The following RBFOX1 variants were observed in gnomAD, a reference collection of about 807,000 sequenced individuals.
The protein encoded by RBFOX1 is RNA binding protein fox-1 homolog 1.
RBFOX1 carries 8 observed loss-of-function variants against 57.7 expected under a neutral mutation model. The ratio of observed to expected loss-of-function variants is 0.14; its 90% CI spans 0.08 to 0.25. The LOEUF (loss-of-function observed/expected upper bound fraction) is 0.25. Ranked by LOEUF, RBFOX1 falls within the 10% of genes least tolerant of loss-of-function variation. The probability of loss-of-function intolerance (pLI) is 1.00; values close to 1 mark genes in which losing one functional copy is unlikely to be tolerated. For synonymous variants in RBFOX1, 326 were observed against 222.4 expected (o/e 1.47, Z -4.15); for missense variants, 611 against 548.5 (o/e 1.11, Z -1.14).
At chr16:7,614,704 C>T (rs146041354) in intron 10 of RBFOX1, 2 of 152,224 alleles carry the variant, frequency 1.3e-5, no homozygotes, top group African/African-American at 4.8e-5. Flanking sequence ...TTTTAAGTTA[C>T]CATTGTCCAC....
In RBFOX1 at chr16:5,396,826, G is replaced by C. The variant is rs368384112; in HGVS notation, c.220-70390G>C. Among the ~76,000 whole-genome samples the C allele has an allele frequency of 3.3e-5, 5 of 152,320 alleles. No homozygotes were observed. In the East Asian group the frequency reaches 5.8e-4, roughly 18 times the overall value. On this transcript the variant is annotated intron_variant, in intron 1 of 2. Coordinates refer to the RBFOX1 transcript ENST00000585867. ...CCAGCAAACTCCAGCAGAGAGAGTA[G>C]ATTGATTTCTTGAACTTCGTTGTCT...
chr16:6,288,236 A>T (rs2077093687), intron 1 of RBFOX1, among the ~76,000 whole-genome samples: 1 of 53,232 alleles, frequency 1.9e-5, no homozygotes, highest in Non-Finnish European at 4.1e-5. Flanking sequence ...GAATGGTGTG[A>T]ACGGTTTTTT....
At chr16:6,003,421 A>G (rs1380868077) in intron 4 of RBFOX1, among the ~76,000 whole-genome samples, 2 of 151,812 alleles carry the variant, frequency 1.3e-5, no homozygotes, top group Non-Finnish European at 2.9e-5. Flanking sequence ...CCTGCTCCAA[A>G]CAGTTTCTCC....
chr16:7,604,882 C>T (rs2095222479), intron 9 of RBFOX1, among the ~76,000 whole-genome samples: 1 of 152,110 alleles, frequency 6.6e-6, no homozygotes, highest in African/African-American at 2.4e-5. Flanking sequence ...ACCTGAGATG[C>T]ACAGTATGGG....
Position 6,920,695 on chromosome 16 carries a change from T to A in RBFOX1, c.-15-131362T>A, listed in dbSNP as rs187747430. Among the ~76,000 whole-genome samples the A allele has an allele frequency of 5.9e-5, 9 of 152,320 alleles. No individual in the cohort carries two copies. In the East Asian group the frequency reaches 1.7e-3, roughly 29 times the overall value. On this transcript the variant is annotated intron_variant, in intron 3 of 15. Transcript: ENST00000550418. Reference sequence around the variant, plus strand: ...AGTTTCTTTTGGTTCCAAGCAATCATTGGCACCCCTTGGCTTGTGGCTGCA... The same window carrying A: ...AGTTTCTTTTGGTTCCAAGCAATCAATGGCACCCCTTGGCTTGTGGCTGCA...
chr16:6,797,815 T>C (rs2084437668), intron 3 of RBFOX1, among the ~76,000 whole-genome samples: 1 of 152,204 alleles, frequency 6.6e-6, no homozygotes, highest in Non-Finnish European at 1.5e-5. Flanking sequence ...CACAACATTA[T>C]GTCTGCAATC....
intron 1 of RBFOX1, among the ~76,000 whole-genome samples, chr16:6,238,160 G>A (rs1022742405): frequency 2.0e-5 from 3 of 151,412 alleles, no homozygotes; most frequent in Non-Finnish European, 4.4e-5. Flanking sequence ...AAATGTCTGT[G>A]AAGTATCTGC....
At chr16:6,798,936 T>A (rs1398310022) in intron 3 of RBFOX1, among the ~76,000 whole-genome samples, 1 of 152,176 alleles carries the variant, frequency 6.6e-6, no homozygotes, top group Non-Finnish European at 1.5e-5. Context: ...ATATCTCAAG[T>A]TTCTCTTCAA....
In RBFOX1 at chr16:5,559,034, C is replaced by T. The variant is rs187661332; in HGVS notation, c.259-39868C>T. The stretch of plus-strand genomic sequence containing the variant: ...ATACCCTGAAACCATAGCAGTTATG[C>T]TCACGTGGGTACAGAGCTGGGCTGG... On this transcript the variant is annotated intron_variant, in intron 2 of 2. Coordinates refer to the RBFOX1 transcript ENST00000585867. Among the ~76,000 whole-genome samples, 13 of 152,164 alleles carry T rather than the reference C, an allele frequency of 8.5e-5. No individual in the cohort carries two copies. The East Asian group carries it at 2.1e-3, about 25-fold the overall frequency.
intron 4 of RBFOX1, among the ~76,000 whole-genome samples, chr16:7,154,620 G>C (rs1014945731): frequency 6.6e-6 from 1 of 151,898 alleles, no homozygotes; most frequent in Admixed American, 6.6e-5. Flanking sequence ...ATAGTGGGCA[G>C]TTGTAAGAAA....
At chr16:6,332,398 A>G (rs779365974) in intron 2 of RBFOX1, among the ~76,000 whole-genome samples, 2 of 152,220 alleles carry the variant, frequency 1.3e-5, no homozygotes, top group Non-Finnish European at 2.9e-5. Context: ...AAATTTCAGA[A>G]CATATGAATG....
intron 2 of RBFOX1, among the ~76,000 whole-genome samples, chr16:6,583,209 C>G (rs2097561797): frequency 6.6e-6 from 1 of 152,136 alleles, no homozygotes; most frequent in South Asian, 2.1e-4. Flanking sequence ...TCTAATGGGT[C>G]CTAGCATAAA....
exon 1 of RBFOX1, chr16:5,240,048 C>G (rs916742929): frequency 2.9e-5 from 44 of 1,531,982 alleles, no homozygotes; most frequent in Non-Finnish European, 3.8e-5. Context: ...ACGGGAAGGA[C>G]GCGCCGCGGC....
At chr16:5,428,208 C>T (rs547453346) in intron 1 of RBFOX1, among the ~76,000 whole-genome samples, 1 of 151,978 alleles carries the variant, frequency 6.6e-6, no homozygotes, top group African/African-American at 2.4e-5. Flanking sequence ...ACTGAACTTC[C>T]CCATGGCAGA....
rs998578188 is a variant in RBFOX1, at chr16:6,197,685, C to T, written c.-126-119310C>T. Among the ~76,000 whole-genome samples, 3 of 147,542 alleles carry T rather than the reference C, an allele frequency of 2.0e-5. No homozygotes were observed. The East Asian group carries it at 5.9e-4, about 29-fold the overall frequency. On this transcript the variant is annotated intron_variant, in intron 1 of 15. Transcript: ENST00000550418. ...GATTCAGGGGTTCATATGTTGTTTT[C>T]TTATATAGATAAAGTCATGTCATGG...
intron 3 of RBFOX1, among the ~76,000 whole-genome samples, chr16:6,856,584 C>A (rs1170638886): frequency 6.6e-6 from 1 of 152,092 alleles, no homozygotes; most frequent in East Asian, 1.9e-4. Flanking sequence ...ATATTCTGTC[C>A]CTTCAGGCCA....
intron 4 of RBFOX1, among the ~76,000 whole-genome samples, chr16:7,143,508 C>T (rs878883161): frequency 1.3e-5 from 2 of 152,090 alleles, no homozygotes; most frequent in Non-Finnish European, 2.9e-5. Flanking sequence ...ATCCTACCCC[C>T]GCCCCTGGAG....
At chr16:7,676,223 T>C (rs1276105444) in intron 13 of RBFOX1, among the ~76,000 whole-genome samples, 6 of 152,208 alleles carry the variant, frequency 3.9e-5, no homozygotes, top group Non-Finnish European at 7.3e-5. Flanking sequence ...TTGTGTAACA[T>C]TTAGACAGCT....
At chr16:7,602,204 A>G (rs1417081147) in intron 9 of RBFOX1, among the ~76,000 whole-genome samples, 1 of 152,244 alleles carries the variant, frequency 6.6e-6, no homozygotes, top group Non-Finnish European at 1.5e-5. Flanking sequence ...GGTCTTAACC[A>G]GCATATTTTA....
Sources: allele counts gnomAD v4.1 joint callset (sites outside exome capture counted in the v4.1 genomes callset), GRCh38; gene constraint gnomAD v4.1.1; transcripts MANE v1.5; gene names NCBI Gene and HGNC (gene_info 2026-07-23, HGNC 2026-07-21).